GNL3L: variants seen among roughly 807,000 people sequenced by gnomAD.
GNL3L encodes the protein guanine nucleotide-binding protein-like 3-like protein.
GNL3L carries 4 observed loss-of-function variants against 42.9 expected under a neutral mutation model. That is an observed-to-expected ratio of 0.09 (90% CI 0.05 to 0.21). The LOEUF (loss-of-function observed/expected upper bound fraction) is 0.21, where lower values mean the gene tolerates loss of function less well. Among genes scored for constraint, GNL3L ranks in the 10% least tolerant of loss-of-function variants. The probability of loss-of-function intolerance (pLI) is 1.00; values close to 1 mark genes in which losing one functional copy is unlikely to be tolerated. For missense variants in GNL3L, 412 were observed against 481.7 expected, an observed-to-expected ratio of 0.86 and a Z score of 1.36; for synonymous variants, 159 against 176.3, an observed-to-expected ratio of 0.90 and a Z score of 0.78.
intron 16 of GNL3L, among the ~76,000 whole-genome samples, chrX:54,586,677 A>G (rs1453119822): frequency 8.9e-6 from 1 of 112,295 alleles, no homozygotes; most frequent in Non-Finnish European, 1.9e-5. Flanking sequence ...TGCTGCCTCT[A>G]CCTGAGCATT....
chrX:54,555,055 C>T (rs1313077119), intron 14 of GNL3L, among the ~76,000 whole-genome samples: 1 of 110,225 alleles, frequency 9.1e-6, no homozygotes, highest in African/African-American at 3.3e-5. Flanking sequence ...CTCTGTCACC[C>T]AGGCTGCAGT....
At chrX:54,597,731 G>T (rs987028490) in intron 16 of GNL3L, among the ~76,000 whole-genome samples, 1 of 111,455 alleles carries the variant, frequency 9.0e-6, no homozygotes, top group Non-Finnish European at 1.9e-5. Flanking sequence ...CTGACTCCTG[G>T]GATCATTGAT....
At chrX:54,559,864 C>T (rs771652677) in intron 15 of GNL3L, among the ~76,000 whole-genome samples, 2 of 111,983 alleles carry the variant, frequency 1.8e-5, no homozygotes, top group African/African-American at 3.2e-5. Context: ...TGGCCTGGCT[C>T]CACACTGAGT....
rs188864869 is a variant in GNL3L at position 54,532,005 on chromosome X, T to C, written c.-47-515T>C. Among the ~76,000 whole-genome samples, 438 of 110,258 alleles carry C rather than the reference T, an allele frequency of 4.0e-3. 2 individuals carry two copies. The highest frequency in any genetic ancestry group is 0.014 in the African/African-American group (420 of 30,303). ...GTAAGAATCCCTGTTCTCAGGCCCC[T>C]TTTCCCCAGGGTAGACTCCTGAGAT... On this transcript the variant is annotated intron_variant, in intron 1 of 15. Coordinates refer to ENST00000360845, the MANE Select transcript of GNL3L (RefSeq NM_001184819.2).
At position 54,564,402 on chromosome X, in the gene GNL3L, CTTTTTTT is replaced by C. The variant is rs567172499; in HGVS notation, c.*3814_*3820del. On this transcript the variant is annotated 3_prime_UTR_variant, in exon 16 of 16. Coordinates refer to ENST00000360845, the MANE Select transcript of GNL3L (RefSeq NM_001184819.2). Reference sequence around the variant, plus strand: ...AGTCACTGGTTTTTTTCTTCGTTCTCTTTTTTTTTTTTTTTTTTTTGAGACAGAGTCT... The same window carrying C: ...AGTCACTGGTTTTTTTCTTCGTTCTCTTTTTTTTTTTTTGAGACAGAGTCT... Among the ~76,000 whole-genome samples, 5 of 80,810 alleles carry C rather than the reference CTTTTTTT, an allele frequency of 6.2e-5. No homozygotes were observed. Among genetic ancestry groups the C allele is most frequent in the Non-Finnish European group, 9.3e-5 (4 of 43,239 alleles). 70.2% of individuals were successfully genotyped at this position (80,810 alleles called of 115,157 possible).
chrX:54,626,459 G>A (rs1740332641), downstream of GNL3L, among the ~76,000 whole-genome samples: 1 of 111,695 alleles, frequency 9.0e-6, no homozygotes, highest in African/African-American at 3.3e-5. Context: ...ATTCCATCTT[G>A]AGTATTGTGA....
chrX:54,576,237 C>T (rs937625336), intron 16 of GNL3L, among the ~76,000 whole-genome samples: 8 of 111,876 alleles, frequency 7.2e-5, no homozygotes, highest in Non-Finnish European at 1.5e-4. Flanking sequence ...ATGTTCATGA[C>T]AAATTGACCT....
intron 1 of GNL3L, 44 bp from the exon 2 acceptor site, chrX:54,532,476 G>C (rs1924281099): frequency 6.9e-6 from 5 of 723,894 alleles, no homozygotes; most frequent in Non-Finnish European, 1.1e-5. Flanking sequence ...GTGGCATTGT[G>C]ATTCCCAGCT....
chrX:54,540,828 T>C (rs974957498), intron 4 of GNL3L, among the ~76,000 whole-genome samples: 1 of 111,047 alleles, frequency 9.0e-6, no homozygotes, highest in Admixed American at 9.6e-5. Context: ...CAGCTAATTT[T>C]GTATTTTTAG....
At chrX:54,570,667 T>C (rs890713465), downstream of GNL3L, among the ~76,000 whole-genome samples, 1 of 111,032 alleles carries the variant, frequency 9.0e-6, no homozygotes, top group African/African-American at 3.3e-5. Flanking sequence ...TTTTTTTTAA[T>C]GATTCCATTG....
At chrX:54,610,815 TG>T (rs1362110159) in intron 16 of GNL3L, among the ~76,000 whole-genome samples, 1 of 111,703 alleles carries the variant, frequency 9.0e-6, no homozygotes, top group African/African-American at 3.2e-5. Flanking sequence ...TTTTCTTTTT[TG>T]GTTATATCCT....
chrX:54,541,143 A>G, intron 4 of GNL3L, 130 bp from the exon 5 acceptor site: 1 of 459,909 alleles, frequency 2.2e-6, no homozygotes, highest in East Asian at 3.6e-5. Flanking sequence ...CTGATGTCAT[A>G]TCTTCCCTCT....
chrX:54,596,581 C>CT (rs765910988), intron 16 of GNL3L, among the ~76,000 whole-genome samples: 1 of 112,265 alleles, frequency 8.9e-6, no homozygotes, highest in African/African-American at 3.2e-5. Context: ...GATCAAAGCC[C>CT]TGGGGGCTCT....
intron 8 of GNL3L, among the ~76,000 whole-genome samples, chrX:54,545,868 A>G (rs779367569): frequency 4.5e-4 from 50 of 111,870 alleles, no homozygotes; most frequent in Non-Finnish European, 6.6e-4. Context: ...AGATACAGAT[A>G]TTTAGGGTCT....
the GNL3L span, among the ~76,000 whole-genome samples, chrX:54,637,460 T>TGTGCACACATGTGC: frequency 7.2e-5 from 8 of 111,743 alleles, no homozygotes; most frequent in Admixed American, 5.7e-4. Flanking sequence ...TACACACATG[T>TGTGCACACATGTGC]GTGCACACAT....
At chrX:54,583,630 T>TG (rs1925744748) in intron 16 of GNL3L, among the ~76,000 whole-genome samples, 1 of 109,318 alleles carries the variant, frequency 9.1e-6, no homozygotes, top group African/African-American at 3.5e-5. Flanking sequence ...GCATCCATTT[T>TG]GGATTGATGT....
chrX:54,582,073 G>C (rs886467673), intron 16 of GNL3L, among the ~76,000 whole-genome samples: 1 of 111,928 alleles, frequency 8.9e-6, no homozygotes, highest in Admixed American at 9.5e-5. Context: ...CAGTGTTGGA[G>C]GTGGTGCCTA....
chrX:54,609,448 C>A (rs1926137937), intron 16 of GNL3L, among the ~76,000 whole-genome samples: 1 of 112,317 alleles, frequency 8.9e-6, no homozygotes, highest in South Asian at 3.7e-4. Flanking sequence ...AAGGGTTTTT[C>A]CGATGTTATC....
chrX:54,617,935 A>G (rs1004143918), intron 16 of GNL3L, among the ~76,000 whole-genome samples: 3 of 111,737 alleles, frequency 2.7e-5, no homozygotes, highest in African/African-American at 9.8e-5. Context: ...TGATTCTCCC[A>G]CTATTCCAAT....
Sources: allele counts gnomAD v4.1 joint callset (sites outside exome capture counted in the v4.1 genomes callset), GRCh38; gene constraint gnomAD v4.1.1; transcripts MANE v1.5; gene names NCBI Gene and HGNC (gene_info 2026-07-23, HGNC 2026-07-21).